SRFBP1: variants seen among roughly 807,000 people sequenced by gnomAD.
The protein encoded by SRFBP1 is serum response factor-binding protein 1.
Under a neutral mutation model 45.5 loss-of-function variants are expected in SRFBP1, and 47 were observed. The ratio of observed to expected loss-of-function variants is 1.03; its 90% CI spans 0.82 to 1.32. The LOEUF is 1.32. SRFBP1 is among the 40% of genes most tolerant of loss of function. The pLI is 0.00. For missense variants in SRFBP1, 621 were observed against 484.6 expected (o/e 1.28, Z -2.64); for synonymous variants, 203 against 166.3 (o/e 1.22, Z -1.70).
At chr5:122,016,194 T>C (rs922385808) in intron 4 of SRFBP1, among the ~76,000 whole-genome samples, 10 of 152,294 alleles carry the variant, frequency 6.6e-5, no homozygotes, top group Middle Eastern at 3.4e-3. Context: ...CAAACCTAAG[T>C]CTCCTGTCAC....
At chr5:121,978,884 T>C (rs1010943518) in intron 3 of SRFBP1, among the ~76,000 whole-genome samples, 1 of 152,216 alleles carries the variant, frequency 6.6e-6, no homozygotes, top group Non-Finnish European at 1.5e-5. Flanking sequence ...TGTATTCTTC[T>C]TTGAGACCTT....
At chr5:122,002,915 A>T (rs1752900651) in intron 4 of SRFBP1, among the ~76,000 whole-genome samples, 2 of 152,238 alleles carry the variant, frequency 1.3e-5, no homozygotes, top group Non-Finnish European at 2.9e-5. Flanking sequence ...TCATTTCTCT[A>T]CAATTAATTG....
chr5:121,984,966 A>G (rs1752482613), intron 3 of SRFBP1, among the ~76,000 whole-genome samples: 1 of 151,894 alleles, frequency 6.6e-6, no homozygotes, highest in African/African-American at 2.4e-5. Flanking sequence ...AGAAAAGTTC[A>G]AATACTTATT....
At chr5:122,000,912 C>T (rs1215906018) in intron 4 of SRFBP1, among the ~76,000 whole-genome samples, 2 of 152,034 alleles carry the variant, frequency 1.3e-5, no homozygotes, top group Non-Finnish European at 2.9e-5. Flanking sequence ...AGAGTGTAAC[C>T]TTGAACTGTG....
chr5:121,982,711 A>C (rs931351002), intron 3 of SRFBP1, among the ~76,000 whole-genome samples: 22 of 151,952 alleles, frequency 1.4e-4, no homozygotes, highest in African/African-American at 4.1e-4. Flanking sequence ...TAAGGAACTG[A>C]TTCTAAGGAG....
intron 6 of SRFBP1, 125 bp downstream of exon 6, chr5:122,020,927 G>A: frequency 1.2e-6 from 1 of 857,298 alleles, no homozygotes; most frequent in Non-Finnish European, 1.7e-6. Flanking sequence ...TTTTAGACAT[G>A]GCCCTCTCCA....
chr5:122,049,246 C>A (rs1753924090), intron 2 of SRFBP1, among the ~76,000 whole-genome samples: 1 of 152,082 alleles, frequency 6.6e-6, no homozygotes, highest in African/African-American at 2.4e-5. Flanking sequence ...ATAAAACAGA[C>A]TTTAAACCAA....
chr5:121,982,863 T>G (rs1752439027), intron 3 of SRFBP1, among the ~76,000 whole-genome samples: 1 of 151,648 alleles, frequency 6.6e-6, no homozygotes, highest in African/African-American at 2.4e-5. Flanking sequence ...TTTGTTTTGA[T>G]TAGATTTTTT....
intron 2 of SRFBP1, among the ~76,000 whole-genome samples, chr5:122,041,163 A>T (rs1753767184): frequency 6.6e-6 from 1 of 152,166 alleles, no homozygotes; most frequent in East Asian, 1.9e-4. Context: ...TAAATGAGAG[A>T]TAAGTGGCTT....
rs371350099 is a variant in SRFBP1 at position 121,994,630 on chromosome 5, C to T, written c.230C>T (p.Ala77Val). 4 of 1,596,832 alleles carry T rather than the reference C, an allele frequency of 2.5e-6. No individual in the cohort carries two copies. The highest frequency in any genetic ancestry group is 2.7e-5 in the African/African-American group (2 of 73,876). ...AAACCTGACATAGTAACTAAATCTG[C>T]TCTTGGTGATGATATCAACTTTGAA... ...ELKPDIVTKSALGDDINFEKI... is the reference protein window; with the variant it reads ...ELKPDIVTKSVLGDDINFEKI... The change falls in exon 4 of 8, where the codon GCT (alanine) becomes GTT (valine). Residue 77 changes from alanine to valine, a missense_variant. By Grantham distance (64) the Ala-to-Val change is moderately conservative. Coordinates refer to ENST00000339397, the MANE Select transcript of SRFBP1 (RefSeq NM_152546.3).
intron 4 of SRFBP1, among the ~76,000 whole-genome samples, chr5:121,997,457 G>C (rs1364892357): frequency 6.6e-6 from 1 of 151,830 alleles, no homozygotes; most frequent in Non-Finnish European, 1.5e-5. Flanking sequence ...AAACTGGCTA[G>C]CCATATGTAG....
At chr5:121,987,382 A>G (rs1752539896) in intron 3 of SRFBP1, among the ~76,000 whole-genome samples, 1 of 152,154 alleles carries the variant, frequency 6.6e-6, no homozygotes, top group South Asian at 2.1e-4. Flanking sequence ...AAAAAAATCT[A>G]TTGGCAATAT....
At chr5:121,998,772 A>G (rs190661736) in intron 4 of SRFBP1, among the ~76,000 whole-genome samples, 1 of 152,176 alleles carries the variant, frequency 6.6e-6, no homozygotes, top group African/African-American at 2.4e-5. Context: ...CCCTCTTTTT[A>G]CAAATGAGGA....
At chr5:122,006,669 A>C (rs769003483) in intron 4 of SRFBP1, among the ~76,000 whole-genome samples, 16 of 151,940 alleles carry the variant, frequency 1.1e-4, no homozygotes, top group Non-Finnish European at 2.1e-4. Flanking sequence ...CTGTTTGATC[A>C]GTTCTGCTGT....
intron 1 of SRFBP1, among the ~76,000 whole-genome samples, chr5:121,964,317 G>A (rs1487622122): frequency 6.6e-6 from 1 of 152,020 alleles, no homozygotes; most frequent in Non-Finnish European, 1.5e-5. Context: ...TCTACATTAG[G>A]TATTTCTCCT....
At chr5:121,987,068 C>G (rs192488719) in intron 3 of SRFBP1, among the ~76,000 whole-genome samples, 1 of 152,114 alleles carries the variant, frequency 6.6e-6, no homozygotes. Flanking sequence ...TATAATGGGC[C>G]TTGGAGTTAC....
chr5:122,022,292 A>G, intron 6 of SRFBP1, 78 bp from the exon 7 acceptor site: 1 of 1,267,812 alleles, frequency 7.9e-7, no homozygotes, highest in East Asian at 2.4e-5. Context: ...TAGTTTTATC[A>G]TCAATTTTGT....
chr5:122,017,457 A>G (rs1161009528), intron 4 of SRFBP1, among the ~76,000 whole-genome samples: 1 of 152,266 alleles, frequency 6.6e-6, no homozygotes. Flanking sequence ...TCTTCTCCTT[A>G]TAAGGAAACC....
Position 121,965,992 on chromosome 5 carries a change from A to G in SRFBP1, c.36+3924A>G, listed in dbSNP as rs1297661954. On this transcript the variant is annotated intron_variant, in intron 1 of 7. Transcript: ENST00000339397. Reference sequence around the variant, plus strand: ...TCATGATTTGGCTCTCTGTTTGTCTATTATTGGTGTATGGGAATGCTTGTG... The same window carrying G: ...TCATGATTTGGCTCTCTGTTTGTCTGTTATTGGTGTATGGGAATGCTTGTG... 1.4e-4 allele frequency among the ~76,000 whole-genome samples: 21 copies of G among 151,832 alleles called. No individual in the cohort carries two copies. In the East Asian group the frequency reaches 3.3e-3, roughly 24 times the overall value.
Sources: allele counts gnomAD v4.1 joint callset (sites outside exome capture counted in the v4.1 genomes callset), GRCh38; gene constraint gnomAD v4.1.1; transcripts MANE v1.5; gene names NCBI Gene and HGNC (gene_info 2026-07-23, HGNC 2026-07-21).